The following SGCZ variants were observed in gnomAD, a reference collection of about 807,000 sequenced individuals.
SGCZ encodes the protein zeta-sarcoglycan.
Under a neutral mutation model 41.3 loss-of-function variants are expected in SGCZ, and 40 were observed. That is an observed-to-expected ratio of 0.97 (90% confidence interval 0.75 to 1.26). SGCZ has a LOEUF of 1.26. SGCZ is among the 50% of genes most tolerant of loss of function. The pLI, the probability that SGCZ is intolerant of heterozygous loss-of-function variation, is 0.00. For synonymous variants in SGCZ, 206 were observed against 137.5 expected, an observed-to-expected ratio of 1.50 and a Z score of -3.49; for missense variants, 552 against 369.8, an observed-to-expected ratio of 1.49 and a Z score of -4.04.
chr8:14,739,538 C>T (rs1238159800), intron 1 of SGCZ, among the ~76,000 whole-genome samples: 1 of 152,052 alleles, frequency 6.6e-6, no homozygotes, highest in Non-Finnish European at 1.5e-5. Flanking sequence ...AAATTACCCA[C>T]ACACCACAAA....
intron 3 of SGCZ, among the ~76,000 whole-genome samples, chr8:14,253,889 T>C (rs1456318207): frequency 6.6e-6 from 1 of 151,744 alleles, no homozygotes; most frequent in African/African-American, 2.4e-5. Flanking sequence ...CATAGGACTT[T>C]CAAAAATCTT....
chr8:14,873,527 T>A (rs890633250), intron 1 of SGCZ, among the ~76,000 whole-genome samples: 4 of 152,096 alleles, frequency 2.6e-5, no homozygotes, highest in African/African-American at 9.7e-5. Flanking sequence ...AACACACAGA[T>A]GTCAATCACT....
chr8:14,935,742 A>C (rs1800062127), intron 1 of SGCZ, among the ~76,000 whole-genome samples: 1 of 151,894 alleles, frequency 6.6e-6, no homozygotes, highest in Non-Finnish European at 1.5e-5. Flanking sequence ...AAAAGTCAGC[A>C]ATTCCAATAA....
At chr8:14,262,749 G>A (rs1799717878) in intron 3 of SGCZ, among the ~76,000 whole-genome samples, 1 of 149,558 alleles carries the variant, frequency 6.7e-6, no homozygotes, top group South Asian at 2.1e-4. Context: ...TGATATATGA[G>A]CATAAAACCT....
At chr8:14,743,911 A>G (rs540098446) in intron 1 of SGCZ, among the ~76,000 whole-genome samples, 3 of 152,200 alleles carry the variant, frequency 2.0e-5, no homozygotes, top group East Asian at 3.9e-4. Flanking sequence ...TTCCCCATGT[A>G]TTTTATTCTG....
chr8:15,223,100 C>T (rs2117189045), intron 1 of SGCZ, among the ~76,000 whole-genome samples: 1 of 152,234 alleles, frequency 6.6e-6, no homozygotes, highest in East Asian at 1.9e-4. Context: ...ATTTTACCAA[C>T]CCTTAAAGCA....
chr8:14,328,779 A>C (rs996599435), intron 2 of SGCZ, among the ~76,000 whole-genome samples: 2 of 152,184 alleles, frequency 1.3e-5, no homozygotes, highest in African/African-American at 2.4e-5. Flanking sequence ...TGATAGTATT[A>C]AGAGGTGGAG....
chr8:14,577,311 C>A (rs1804740227), intron 1 of SGCZ, among the ~76,000 whole-genome samples: 1 of 150,232 alleles, frequency 6.7e-6, no homozygotes, highest in African/African-American at 2.5e-5. Flanking sequence ...TCTGATCTGA[C>A]AGATCTTCAA....
intron 2 of SGCZ, among the ~76,000 whole-genome samples, chr8:14,380,627 G>A (rs994576729): frequency 2.6e-5 from 4 of 152,134 alleles, no homozygotes; most frequent in Admixed American, 1.3e-4. Context: ...GCCAAGGCAG[G>A]CACATCGTCA....
intron 1 of SGCZ, among the ~76,000 whole-genome samples, chr8:14,834,816 G>A (rs1377026782): frequency 2.0e-5 from 3 of 152,088 alleles, no homozygotes; most frequent in South Asian, 2.1e-4. Flanking sequence ...CAAGGGACTC[G>A]GATACTGATT....
intron 1 of SGCZ, among the ~76,000 whole-genome samples, chr8:15,134,539 A>C (rs188485158): frequency 6.6e-6 from 1 of 152,244 alleles, no homozygotes; most frequent in Non-Finnish European, 1.5e-5. Flanking sequence ...AAATCCTTTC[A>C]ATTTTAGGAT....
chr8:14,966,891 T>A (rs2130859153), intron 1 of SGCZ, among the ~76,000 whole-genome samples: 1 of 152,154 alleles, frequency 6.6e-6, no homozygotes, highest in Non-Finnish European at 1.5e-5. Context: ...ACAATTGAGG[T>A]CAAAGTTGAA....
intron 1 of SGCZ, among the ~76,000 whole-genome samples, chr8:14,564,057 C>T (rs1299547398): frequency 1.3e-5 from 2 of 151,934 alleles, no homozygotes; most frequent in African/African-American, 4.8e-5. Flanking sequence ...CTGTTTAGAC[C>T]TGTGTTCCCT....
chr8:14,091,191 A>C (rs1356005480), intron 7 of SGCZ, among the ~76,000 whole-genome samples: 1 of 151,274 alleles, frequency 6.6e-6, no homozygotes, highest in Non-Finnish European at 1.5e-5. Flanking sequence ...GCTGCATAGT[A>C]TTCCATGGTG....
At chr8:14,395,511 G>C (rs745876540) in intron 2 of SGCZ, among the ~76,000 whole-genome samples, 4 of 152,136 alleles carry the variant, frequency 2.6e-5, no homozygotes, top group Non-Finnish European at 4.4e-5. Flanking sequence ...TAACAACAGA[G>C]TCCAAAGGTC....
chr8:14,735,419 T>C (rs1798998190), intron 1 of SGCZ, among the ~76,000 whole-genome samples: 1 of 152,158 alleles, frequency 6.6e-6, no homozygotes, highest in Non-Finnish European at 1.5e-5. Flanking sequence ...TACTGAGTTT[T>C]CTGGTTTTCA....
chr8:14,445,370 C>A (rs992336109), intron 2 of SGCZ, among the ~76,000 whole-genome samples: 4 of 152,146 alleles, frequency 2.6e-5, no homozygotes, highest in Non-Finnish European at 4.4e-5. Context: ...CCACACCTAT[C>A]CTTTGCCTAT....
At chr8:14,268,317 G>A (rs924817980) in intron 3 of SGCZ, among the ~76,000 whole-genome samples, 10 of 149,360 alleles carry the variant, frequency 6.7e-5, no homozygotes, top group East Asian at 2.0e-4. Context: ...ATAGTTAAAA[G>A]CAAATCAATG....
chr8:14,796,059 T>A (rs1801118878), intron 1 of SGCZ, among the ~76,000 whole-genome samples: 1 of 152,238 alleles, frequency 6.6e-6, no homozygotes, highest in South Asian at 2.1e-4. Flanking sequence ...CACATTTTCT[T>A]TATCCAGTCT....
Sources: gnomAD v4.1 joint callset for allele counts (sites outside exome capture counted in the v4.1 genomes callset) on GRCh38, gnomAD v4.1.1 for gene constraint, MANE v1.5 for transcripts, NCBI Gene and HGNC (gene_info 2026-07-23, HGNC 2026-07-21) for gene names.